The following PRDM16 variants were observed in gnomAD, a reference collection of about 807,000 sequenced individuals.
PRDM16 encodes the protein histone-lysine N-methyltransferase PRDM16.
A neutral mutation model predicts 110.6 loss-of-function variants in PRDM16; 23 were observed. The observed-to-expected ratio is 0.21, with a 90% CI of 0.15 to 0.29. PRDM16 has a LOEUF of 0.29. Among genes scored for constraint, PRDM16 ranks in the 10% least tolerant of loss-of-function variants. The probability of loss-of-function intolerance (pLI) is 1.00; values close to 1 mark genes in which losing one functional copy is unlikely to be tolerated. For synonymous variants in PRDM16, 799 were observed against 781.8 expected, an observed-to-expected ratio of 1.02 and a Z score of -0.37; for missense variants, 1,615 against 1,794.3, an observed-to-expected ratio of 0.90 and a Z score of 1.81.
chr1:3,146,804 T>TGTGC (rs1306937371), intron 1 of PRDM16, among the ~76,000 whole-genome samples: 1 of 133,772 alleles, frequency 7.5e-6, no homozygotes, highest in Admixed American at 7.4e-5. Context: ...GGGGTGTGTG[T>TGTGC]ACGTGTGTGC....
Position 3,215,579 on chromosome 1 carries a change from G to A in PRDM16, c.388-28508G>A, listed in dbSNP as rs534209825. The stretch of plus-strand genomic sequence containing the variant: ...GCTGCAGCCCCACCCTCCCTCCACC[G>A]AGCGGACCAACCCAGAACCCCACAG... On this transcript the variant is annotated intron_variant, in intron 2 of 16. Transcript: ENST00000270722. Among the ~76,000 whole-genome samples, 53 of 152,236 alleles carry A rather than the reference G, an allele frequency of 3.5e-4. 1 individual carries two copies. Among genetic ancestry groups the A allele is most frequent in the Admixed American group, 2.6e-3 (40 of 15,302 alleles).
At chr1:3,144,515 C>A (rs1448864426) in intron 1 of PRDM16, among the ~76,000 whole-genome samples, 2 of 150,182 alleles carry the variant, frequency 1.3e-5, no homozygotes, top group African/African-American at 4.9e-5. Flanking sequence ...CCCAGCTCCA[C>A]TCTGAGGTGG....
At chr1:3,126,860 A>G (rs149856596) in intron 1 of PRDM16, among the ~76,000 whole-genome samples, 17 of 152,314 alleles carry the variant, frequency 1.1e-4, no homozygotes, top group Non-Finnish European at 2.2e-4. Flanking sequence ...TAGATGGGGC[A>G]TGGTTGCTCT....
intron 1 of PRDM16, among the ~76,000 whole-genome samples, chr1:3,180,721 C>CTCCTGAAGGGTCTCCTGAGGGGT (rs1230871465): frequency 6.6e-6 from 1 of 151,890 alleles, no homozygotes; most frequent in African/African-American, 2.4e-5. Context: ...GGAGACCCTT[C>CTCCTGAAGGGTCTCCTGAGGGGT]CTCCTGAGGG....
At chr1:3,139,905 C>T (rs1275066814) in intron 1 of PRDM16, among the ~76,000 whole-genome samples, 2 of 152,246 alleles carry the variant, frequency 1.3e-5, no homozygotes, top group Non-Finnish European at 2.9e-5. Context: ...CCTCGCCGGG[C>T]TCTGGCTGGG....
At chr1:3,219,694 A>G (rs532699773) in intron 2 of PRDM16, among the ~76,000 whole-genome samples, 19 of 152,220 alleles carry the variant, frequency 1.2e-4, no homozygotes, top group African/African-American at 4.6e-4. Flanking sequence ...AGGGCTGAAC[A>G]TGGCAGGAGC....
At chr1:3,306,886 T>C (rs1641328019) in intron 3 of PRDM16, 1 of 152,176 alleles carries the variant, frequency 6.6e-6, no homozygotes. Context: ...TCTGTCTCTG[T>C]GGATTTGCCT....
At chr1:3,293,401 ATG>A (rs935258909) in intron 3 of PRDM16, among the ~76,000 whole-genome samples, 11 of 152,294 alleles carry the variant, frequency 7.2e-5, no homozygotes, top group African/African-American at 2.4e-4. Context: ...TGATGATAAT[ATG>A]TGGGTAAAGG....
chr1:3,240,056 AAGAGG>A (rs70938079), intron 2 of PRDM16, among the ~76,000 whole-genome samples: 43,615 of 102,816 alleles, frequency 0.42, 10,109 homozygotes, highest in Non-Finnish European at 0.52. Flanking sequence ...AGGAGAGGAG[AAGAGG>A]AGAGGAGAGG....
Position 3,414,613 on chromosome 1 carries a change from A to G in PRDM16, c.2657A>G (p.Tyr886Cys). The change falls in exon 10 of 17, where the codon TAC (tyrosine) becomes TGC (cysteine). Residue 886 changes from tyrosine (Y) to cysteine (C), a missense_variant. Around this residue, in one of 5 missense-constraint regions of PRDM16, gnomAD observed 772 missense variants for 748.3 expected, o/e 1.03. Transcript: ENST00000270722. ...TDPVGALKEK[Y>C]LRPSPLLFHP... ...CCCGTGGGAGCCCTGAAGGAGAAGT[A>G]CCTGCGGCCGTCCCCGCTGCTCTTC... The G allele has an allele frequency of 6.2e-7, 1 of 1,613,360 alleles. No homozygotes were observed. Among genetic ancestry groups the G allele is most frequent in the East Asian group, 2.2e-5 (1 of 44,866 alleles).
chr1:3,380,551 T>A (rs1167744480), intron 3 of PRDM16, among the ~76,000 whole-genome samples: 1 of 152,188 alleles, frequency 6.6e-6, no homozygotes, highest in South Asian at 2.1e-4. Flanking sequence ...GGGGAGTTGT[T>A]GCCTCTGGTC....
chr1:3,118,191 G>T (rs1182473783), intron 1 of PRDM16, among the ~76,000 whole-genome samples: 2 of 151,682 alleles, frequency 1.3e-5, no homozygotes, highest in Non-Finnish European at 2.9e-5. Flanking sequence ...GTGTGTGCAT[G>T]CATGTACACA....
chr1:3,433,025 C>T (rs996100313), intron 16 of PRDM16, among the ~76,000 whole-genome samples: 2 of 152,260 alleles, frequency 1.3e-5, no homozygotes, highest in Non-Finnish European at 2.9e-5. Context: ...CAGACATCCC[C>T]TGGCAGGGGT....
rs565345068 is a variant in PRDM16, at chr1:3,080,707, C to G, written c.37+11411C>G. Among the ~76,000 whole-genome samples the G allele has an allele frequency of 1.3e-5, 2 of 152,302 alleles. No homozygotes were observed. Among genetic ancestry groups the G allele is most frequent in the East Asian group, 1.9e-4 (1 of 5,176 alleles). ...TGAGCAAAGCCAGCTTGCTCTCCCCCTCGGACCGGGCAACTGCTCCTGGAT... is the reference window on the plus strand; with the variant it reads ...TGAGCAAAGCCAGCTTGCTCTCCCCGTCGGACCGGGCAACTGCTCCTGGAT... On this transcript the variant is annotated intron_variant, in intron 1 of 16. Transcript: ENST00000270722. This position sits in a 1 kb window ranked among gnomAD's most constrained non-coding sequence, Gnocchi z 5.2.
At chr1:3,366,331 A>T (rs950410126) in intron 3 of PRDM16, among the ~76,000 whole-genome samples, 4 of 152,314 alleles carry the variant, frequency 2.6e-5, no homozygotes, top group Admixed American at 6.5e-5. Context: ...TCCTGACGGG[A>T]AGGCACGCAC....
intron 2 of PRDM16, among the ~76,000 whole-genome samples, chr1:3,218,693 T>G (rs1162794801): frequency 6.6e-6 from 1 of 152,210 alleles, no homozygotes; most frequent in Non-Finnish European, 1.5e-5. Flanking sequence ...CAGGTGCCTC[T>G]GCCACCTTCT....
At chr1:3,346,237 C>G (rs1642360572) in intron 3 of PRDM16, among the ~76,000 whole-genome samples, 1 of 152,236 alleles carries the variant, frequency 6.6e-6, no homozygotes, top group South Asian at 2.1e-4. Flanking sequence ...GTTGGCCCTG[C>G]CCCACGGCGG....
chr1:3,287,885 A>G (rs1005153306), intron 3 of PRDM16, among the ~76,000 whole-genome samples: 1 of 152,226 alleles, frequency 6.6e-6, no homozygotes, highest in Non-Finnish European at 1.5e-5. Context: ...CCGGGGCTGG[A>G]GCCGCCCCCT....
intron 1 of PRDM16, among the ~76,000 whole-genome samples, chr1:3,079,879 C>T (rs1641982208): frequency 6.6e-6 from 1 of 152,236 alleles, no homozygotes; most frequent in East Asian, 1.9e-4. Flanking sequence ...TGATCAGCAA[C>T]ATCGCACACT....
Sources: gnomAD v4.1 joint callset for allele counts (sites outside exome capture counted in the v4.1 genomes callset) on GRCh38, gnomAD v4.1.1 for gene constraint, gnomAD v4.1.1 regional missense constraint, Gnocchi (gnomAD v3.1) non-coding constraint, MANE v1.5 for transcripts, NCBI Gene and HGNC (gene_info 2026-07-23, HGNC 2026-07-21) for gene names.